DEPTOR: variants seen among roughly 807,000 people sequenced by gnomAD.
DEPTOR encodes DEP domain-containing mTOR-interacting protein.
Under a neutral mutation model 41.6 loss-of-function variants are expected in DEPTOR, and 41 were observed. That is an observed-to-expected ratio of 0.98 (90% CI 0.77 to 1.28). DEPTOR has a LOEUF of 1.28. Ranked by LOEUF, DEPTOR falls within the 50% of genes most tolerant of loss-of-function variation. The pLI, the probability that DEPTOR is intolerant of heterozygous loss-of-function variation, is 0.00. For missense variants in DEPTOR, 514 were observed against 527.9 expected (o/e 0.97, Z 0.26); for synonymous variants, 195 against 192.3 (o/e 1.01, Z -0.12).
intron 3 of DEPTOR, among the ~76,000 whole-genome samples, chr8:119,948,217 A>G (rs140813509): frequency 1.2e-3 from 180 of 152,230 alleles, no homozygotes; most frequent in African/African-American, 4.0e-3. Context: ...ACGTCTTTTC[A>G]TTTATGCATA....
chr8:119,960,097 G>A (rs907432357), intron 3 of DEPTOR, among the ~76,000 whole-genome samples: 20 of 151,740 alleles, frequency 1.3e-4, no homozygotes, highest in South Asian at 4.2e-4. Context: ...GGTGGCACAC[G>A]CCTGTAATCC....
At chr8:119,885,287 A>G (rs901227906) in intron 1 of DEPTOR, among the ~76,000 whole-genome samples, 1 of 152,188 alleles carries the variant, frequency 6.6e-6, no homozygotes, top group Non-Finnish European at 1.5e-5. Flanking sequence ...TGTGTTTTAC[A>G]TTGAAGTGTG....
At chr8:119,970,539 G>A (rs1828618634) in intron 4 of DEPTOR, among the ~76,000 whole-genome samples, 1 of 152,178 alleles carries the variant, frequency 6.6e-6, no homozygotes, top group Non-Finnish European at 1.5e-5. Context: ...TTTAGATGCG[G>A]CTTTTTCACC....
chr8:119,917,872 G>A (rs751250107), intron 1 of DEPTOR, among the ~76,000 whole-genome samples: 8 of 152,230 alleles, frequency 5.3e-5, no homozygotes, highest in Non-Finnish European at 1.2e-4. Flanking sequence ...GGGGAAAACC[G>A]CCTTAGGGCG....
rs1198859765 is a variant in DEPTOR, at chr8:120,009,103, C to T, written c.1071C>T (p.Pro357=). The T allele has an allele frequency of 1.2e-6, 2 of 1,614,052 alleles. No individual in the cohort carries two copies. Among genetic ancestry groups the T allele is most frequent in the South Asian group, 1.1e-5 (1 of 91,014 alleles). Residue 357 remains proline (P), a synonymous_variant, in exon 8 of 9, where the codon CCC becomes CCT. Transcript: ENST00000286234. ...SKPCHIQAVD[P]SGPAAAAGMK... is the part of the protein sequence containing the mutation. Reference sequence around the variant, plus strand: ...CATGCCACATCCAGGCTGTAGACCCCAGTGGCCCTGCAGCCGCAGCAGGAA... The same window carrying T: ...CATGCCACATCCAGGCTGTAGACCCTAGTGGCCCTGCAGCCGCAGCAGGAA...
intron 8 of DEPTOR, among the ~76,000 whole-genome samples, chr8:120,045,977 C>T (rs968419380): frequency 6.6e-6 from 1 of 152,148 alleles, no homozygotes; most frequent in Non-Finnish European, 1.5e-5. Context: ...CATCCTCCCA[C>T]ACATACAGCC....
Position 119,970,969 on chromosome 8 carries a change from A to G in DEPTOR, c.604+5559A>G, listed in dbSNP as rs1032626611. On this transcript the variant is annotated intron_variant, in intron 4 of 8. Coordinates refer to ENST00000286234, the MANE Select transcript of DEPTOR (RefSeq NM_022783.4). ...AAATCGGCCGGGCACAGTGGCTCAC[A>G]CCCGTAATCCCAGCATTCTGGGAGG... Among the ~76,000 whole-genome samples the G allele has an allele frequency of 1.8e-4, 27 of 152,268 alleles. No homozygotes were observed. The East Asian group carries it at 2.9e-3, about 16-fold the overall frequency.
chr8:120,038,037 C>A (rs182231453), intron 8 of DEPTOR, among the ~76,000 whole-genome samples: 3 of 151,950 alleles, frequency 2.0e-5, no homozygotes, highest in Non-Finnish European at 2.9e-5. Context: ...GAGGCCAAGG[C>A]GGGTGGATCG....
At chr8:119,932,041 G>A (rs911529639) in intron 3 of DEPTOR, among the ~76,000 whole-genome samples, 1 of 151,252 alleles carries the variant, frequency 6.6e-6, no homozygotes, top group Non-Finnish European at 1.5e-5. Context: ...GAGTGCAGTG[G>A]CATTATCATA....
chr8:120,023,651 T>C (rs1812755960), intron 8 of DEPTOR, among the ~76,000 whole-genome samples: 1 of 152,202 alleles, frequency 6.6e-6, no homozygotes, highest in Non-Finnish European at 1.5e-5. Flanking sequence ...GCTTCATTTA[T>C]GAGTGTCATA....
In DEPTOR at chr8:120,049,750, C is replaced by T. The variant is rs978061247; in HGVS notation, c.*46C>T. The T allele has an allele frequency of 6.2e-7, 1 of 1,607,874 alleles. No individual in the cohort carries two copies. Among genetic ancestry groups the T allele is most frequent in the African/African-American group, 1.3e-5 (1 of 74,890 alleles). ...TCCAGTGGCCTGTGGGTGAGGGAAGCCAGAATGACACAAAGCAATGCAAAG... is the reference window on the plus strand; with the variant it reads ...TCCAGTGGCCTGTGGGTGAGGGAAGTCAGAATGACACAAAGCAATGCAAAG... On this transcript the variant is annotated 3_prime_UTR_variant, in exon 9 of 9. Transcript: ENST00000286234.
At chr8:119,904,668 G>C (rs1470674503) in intron 1 of DEPTOR, among the ~76,000 whole-genome samples, 1 of 151,442 alleles carries the variant, frequency 6.6e-6, no homozygotes, top group Non-Finnish European at 1.5e-5. Flanking sequence ...GCTAATTTTT[G>C]TATTTTCAGT....
intron 1 of DEPTOR, among the ~76,000 whole-genome samples, chr8:119,925,127 C>A: frequency 6.6e-6 from 1 of 152,282 alleles, no homozygotes; most frequent in Middle Eastern, 3.4e-3. Flanking sequence ...TGGTGGCTCA[C>A]GCCTGTAATC....
intron 5 of DEPTOR, 46 bp from the exon 6 acceptor site, chr8:120,002,931 C>T (rs764908939): frequency 2.6e-6 from 4 of 1,540,914 alleles, no homozygotes; most frequent in South Asian, 2.4e-5. Context: ...TCTAGTGAGC[C>T]GAGACCACCC....
intron 2 of DEPTOR, 64 bp downstream of exon 2, chr8:119,928,642 A>C: frequency 6.6e-7 from 1 of 1,522,134 alleles, no homozygotes; most frequent in Admixed American, 2.1e-5. Flanking sequence ...TTTCATGAAC[A>C]TACCCACTTA....
At chr8:119,884,078 G>C (rs1007564424) in intron 1 of DEPTOR, among the ~76,000 whole-genome samples, 2 of 152,182 alleles carry the variant, frequency 1.3e-5, no homozygotes, top group East Asian at 3.8e-4. Flanking sequence ...GAGTTAGAGT[G>C]AGATGAAGTT....
chr8:119,902,525 G>A (rs1324247491), intron 1 of DEPTOR, among the ~76,000 whole-genome samples: 1 of 152,142 alleles, frequency 6.6e-6, no homozygotes, highest in Non-Finnish European at 1.5e-5. Context: ...TTTTAGTAGA[G>A]ATGGCGTTTT....
In DEPTOR at chr8:119,880,822, G is replaced by C. The variant is rs145463626; in HGVS notation, c.122+6854G>C. Reference sequence around the variant, plus strand: ...TTCTATTTTGCCATCTGTGAGAATGGGAGTAGGGTAAGGAAGAGAATTCAG... The same window carrying C: ...TTCTATTTTGCCATCTGTGAGAATGCGAGTAGGGTAAGGAAGAGAATTCAG... On this transcript the variant is annotated intron_variant, in intron 1 of 8. Transcript: ENST00000286234. 6.8e-3 allele frequency among the ~76,000 whole-genome samples: 1,038 copies of C among 152,292 alleles called. 2 individuals carry two copies. The highest frequency in any genetic ancestry group is 0.01 in the Non-Finnish European group (695 of 68,006).
intron 8 of DEPTOR, among the ~76,000 whole-genome samples, chr8:120,045,472 G>A (rs1813141039): frequency 6.6e-6 from 1 of 152,168 alleles, no homozygotes; most frequent in Non-Finnish European, 1.5e-5. Context: ...CTGGGTTGAA[G>A]CGATACTCTT....
Sources: allele counts gnomAD v4.1 joint callset (sites outside exome capture counted in the v4.1 genomes callset), GRCh38; gene constraint gnomAD v4.1.1; transcripts MANE v1.5; gene names NCBI Gene and HGNC (gene_info 2026-07-23, HGNC 2026-07-21).